FAF1: variants seen among roughly 807,000 people sequenced by gnomAD.
The protein encoded by FAF1 is FAS-associated factor 1.
A neutral mutation model predicts 92.5 loss-of-function variants in FAF1; 25 were observed. The observed-to-expected ratio is 0.27, with a 90% CI of 0.20 to 0.38. FAF1 has a LOEUF of 0.38. Among genes scored for constraint, FAF1 ranks in the 10% least tolerant of loss-of-function variants. The probability of loss-of-function intolerance (pLI) is 1.00; values close to 1 mark genes in which losing one functional copy is unlikely to be tolerated. For missense variants in FAF1, 636 were observed against 793.3 expected (o/e 0.80, Z 2.38); for synonymous variants, 234 against 273.2 (o/e 0.86, Z 1.42).
At chr1:50,563,918 AATC>A (rs1485044594) in intron 13 of FAF1, among the ~76,000 whole-genome samples, 1 of 152,214 alleles carries the variant, frequency 6.6e-6, no homozygotes, top group Non-Finnish European at 1.5e-5. Flanking sequence ...TAAAAATCCA[AATC>A]ATCAACATCA....
intron 6 of FAF1, among the ~76,000 whole-genome samples, chr1:50,716,318 G>T (rs541728132): frequency 2.0e-5 from 3 of 152,220 alleles, no homozygotes; most frequent in East Asian, 3.9e-4. Context: ...GTAGACAGAA[G>T]AATTAGCTAA....
At chr1:50,889,050 T>C (rs1234609903) in intron 1 of FAF1, among the ~76,000 whole-genome samples, 3 of 152,188 alleles carry the variant, frequency 2.0e-5, no homozygotes, top group African/African-American at 7.2e-5. Flanking sequence ...GAGCCTGTTA[T>C]TGGTCTATTC....
Position 50,715,939 on chromosome 1 carries a change from T to C in FAF1, c.552-10048A>G, listed in dbSNP as rs1658149525. On this transcript the variant is annotated intron_variant, in intron 6 of 18. Transcript: ENST00000396153. ...GCCATATATTATTAGCTTACATATATCAAGTATTGATAAAATCATCAACAA... is the reference window on the plus strand; with the variant it reads ...GCCATATATTATTAGCTTACATATACCAAGTATTGATAAAATCATCAACAA... Among the ~76,000 whole-genome samples, 3 of 152,290 alleles carry C rather than the reference T, an allele frequency of 2.0e-5. No individual in the cohort carries two copies. The South Asian group carries it at 6.2e-4, about 32-fold the overall frequency.
At chr1:50,639,193 A>G (rs1265380770) in intron 8 of FAF1, among the ~76,000 whole-genome samples, 1 of 152,238 alleles carries the variant, frequency 6.6e-6, no homozygotes, top group African/African-American at 2.4e-5. Flanking sequence ...CTTATCATTC[A>G]CTAGTTGACG....
At chr1:50,614,667 C>G (rs1012582392) in intron 8 of FAF1, among the ~76,000 whole-genome samples, 1 of 151,836 alleles carries the variant, frequency 6.6e-6, no homozygotes, top group African/African-American at 2.4e-5. Flanking sequence ...TGGAGAAACC[C>G]CATCTCTACT....
At chr1:50,672,042 TTTAC>T (rs1368983364) in intron 7 of FAF1, among the ~76,000 whole-genome samples, 1 of 149,612 alleles carries the variant, frequency 6.7e-6, no homozygotes, top group Non-Finnish European at 1.5e-5. Flanking sequence ...TTATTATTTA[TTTAC>T]TTATTTATTT....
chr1:50,728,534 C>A (rs1185567579), intron 6 of FAF1, among the ~76,000 whole-genome samples: 1 of 151,938 alleles, frequency 6.6e-6, no homozygotes, highest in Non-Finnish European at 1.5e-5. Flanking sequence ...CTCATGCCTG[C>A]AATTCCAGCA....
intron 18 of FAF1, among the ~76,000 whole-genome samples, chr1:50,471,473 T>G (rs1646571383): frequency 6.6e-6 from 1 of 152,168 alleles, no homozygotes; most frequent in Non-Finnish European, 1.5e-5. Context: ...CCTTTAAGTC[T>G]TAGAGGGAGA....
At chr1:50,768,223 G>C (rs1297466072) in intron 4 of FAF1, among the ~76,000 whole-genome samples, 1 of 152,120 alleles carries the variant, frequency 6.6e-6, no homozygotes, top group Admixed American at 6.5e-5. Context: ...AATGCTAAAG[G>C]GTTCAATTCA....
At chr1:50,607,534 G>GT (rs1652485204) in intron 8 of FAF1, among the ~76,000 whole-genome samples, 2 of 152,054 alleles carry the variant, frequency 1.3e-5, no homozygotes, top group Non-Finnish European at 2.9e-5. Context: ...TGCCTTGCAT[G>GT]TGCCTACTCT....
In FAF1 at chr1:50,710,614, T is replaced by A. The variant is rs762807393; in HGVS notation, c.552-4723A>T. Among the ~76,000 whole-genome samples the A allele has an allele frequency of 3.9e-5, 6 of 152,226 alleles. No homozygotes were observed. In the East Asian group the frequency reaches 1.2e-3, roughly 29 times the overall value. On this transcript the variant is annotated intron_variant, in intron 6 of 18. Transcript: ENST00000396153. ...AATATTACATTTAAAAACCCTTTTT[T>A]TTTTTCGAGACAGAGTCTCGCTCTG...
At chr1:50,735,653 T>C (rs751629930) in intron 6 of FAF1, among the ~76,000 whole-genome samples, 36 of 152,232 alleles carry the variant, frequency 2.4e-4, no homozygotes, top group Non-Finnish European at 4.3e-4. Flanking sequence ...TCTGTATGTA[T>C]ACTTCTTTAA....
At chr1:50,745,995 G>A (rs1030041107) in intron 4 of FAF1, among the ~76,000 whole-genome samples, 3 of 151,922 alleles carry the variant, frequency 2.0e-5, no homozygotes, top group African/African-American at 7.3e-5. Context: ...TGAAGTCCAG[G>A]CTGAGGAGAG....
intron 1 of FAF1, among the ~76,000 whole-genome samples, chr1:50,934,001 G>A (rs1645067759): frequency 1.3e-5 from 2 of 152,218 alleles, no homozygotes; most frequent in Non-Finnish European, 1.5e-5. Context: ...TGGGACTTCT[G>A]GGAGATACAA....
chr1:50,565,031 G>A (rs984463780), intron 13 of FAF1, among the ~76,000 whole-genome samples: 2 of 151,884 alleles, frequency 1.3e-5, no homozygotes, highest in African/African-American at 4.8e-5. Context: ...ACATGTGAAG[G>A]TTTGTTACAT....
chr1:50,910,816 C>T (rs942273519), intron 1 of FAF1, among the ~76,000 whole-genome samples: 3 of 152,066 alleles, frequency 2.0e-5, no homozygotes, highest in Non-Finnish European at 4.4e-5. Context: ...AATTCCCCAA[C>T]CCCTTGTGCT....
At chr1:50,635,238 G>A (rs1653957712) in intron 8 of FAF1, among the ~76,000 whole-genome samples, 1 of 152,128 alleles carries the variant, frequency 6.6e-6, no homozygotes, top group African/African-American at 2.4e-5. Flanking sequence ...CCTAATAAAG[G>A]AAGATAAAGG....
chr1:50,694,792 C>CAAAAAAAA (rs371721063), intron 7 of FAF1, among the ~76,000 whole-genome samples: 2 of 55,844 alleles, frequency 3.6e-5, no homozygotes, highest in African/African-American at 5.8e-5. Context: ...CTAAAAAATA[C>CAAAAAAAA]AAAAAAAAAA....
chr1:50,888,792 T>C lies in FAF1; in HGVS notation c.46-30795A>G, dbSNP rs539738418. ...AGTATTTTATTGAGGATTTTTGCAT[T>C]GATGTTCATCAGGGATATTGGTCTA... On this transcript the variant is annotated intron_variant, in intron 1 of 18. Transcript: ENST00000396153. Among the ~76,000 whole-genome samples, 4 of 152,306 alleles carry C rather than the reference T, an allele frequency of 2.6e-5. No individual in the cohort carries two copies. In the South Asian group the frequency reaches 8.3e-4, roughly 32 times the overall value.
Sources: gnomAD v4.1 joint callset for allele counts (sites outside exome capture counted in the v4.1 genomes callset) on GRCh38, gnomAD v4.1.1 for gene constraint, MANE v1.5 for transcripts, NCBI Gene and HGNC (gene_info 2026-07-23, HGNC 2026-07-21) for gene names.